The following AP4S1 variants were observed in gnomAD, a reference collection of about 807,000 sequenced individuals.
The protein encoded by AP4S1 is adaptor related protein complex 4 subunit sigma 1, also known as AP-4 complex subunit sigma-1.
In AP4S1, 23 loss-of-function variants were observed where a neutral mutation model predicts 19.8. The ratio of observed to expected loss-of-function variants is 1.16; its 90% confidence interval spans 0.84 to 1.65. The LOEUF (loss-of-function observed/expected upper bound fraction) is 1.65. Among genes scored for constraint, AP4S1 ranks in the 40% most tolerant of loss-of-function variants. The probability of loss-of-function intolerance (pLI) is 0.00; values close to 1 mark genes in which losing one functional copy is unlikely to be tolerated. For missense variants in AP4S1, 166 were observed against 172.8 expected, an observed-to-expected ratio of 0.96 and a Z score of 0.22; for synonymous variants, 46 against 54.1, an observed-to-expected ratio of 0.85 and a Z score of 0.66.
At chr14:31,074,801 A>G (rs1235974728) in intron 4 of AP4S1, among the ~76,000 whole-genome samples, 3 of 147,462 alleles carry the variant, frequency 2.0e-5, no homozygotes, top group Admixed American at 7.1e-5. Context: ...AAAGAAACGT[A>G]CCCATTAGCA....
At chr14:31,035,034 T>C (rs909884595) in intron 1 of AP4S1, among the ~76,000 whole-genome samples, 7 of 152,120 alleles carry the variant, frequency 4.6e-5, no homozygotes, top group African/African-American at 1.4e-4. Flanking sequence ...CTACTCTACT[T>C]TTTTTCTGTG....
rs756761380 is a variant in AP4S1 at position 31,083,526 on chromosome 14, A to G, written c.306+2942A>G. On this transcript the variant is annotated intron_variant, in intron 5 of 5. Transcript: ENST00000542754. ...TTTTTTTTTTTTTTTTTTTTTTGAGACAAGGTCTTGCTCTGTCACCCAGGC... is the reference window on the plus strand; with the variant it reads ...TTTTTTTTTTTTTTTTTTTTTTGAGGCAAGGTCTTGCTCTGTCACCCAGGC... 21 of 172,640 alleles carry G rather than the reference A, an allele frequency of 1.2e-4. No individual in the cohort carries two copies. In the African/African-American group the frequency reaches 3.9e-3, roughly 32 times the overall value. The allele number at this position is 172,640 out of a possible 1,614,324, so 10.7% of individuals were successfully genotyped here. A position where few individuals can be genotyped will look rare whatever the true frequency, so the allele number is the denominator to read the frequency against.
At chr14:31,064,850 G>A (rs1186304037) in intron 1 of AP4S1, among the ~76,000 whole-genome samples, 1 of 152,248 alleles carries the variant, frequency 6.6e-6, no homozygotes, top group Non-Finnish European at 1.5e-5. Context: ...AGCTATTCAG[G>A]AGGCTGAGGT....
intron 1 of AP4S1, among the ~76,000 whole-genome samples, chr14:31,032,487 T>C (rs1436444066): frequency 6.6e-6 from 1 of 152,038 alleles, no homozygotes; most frequent in East Asian, 1.9e-4. Context: ...CTCTGAGGAC[T>C]GTATAGCTCC....
At chr14:31,072,229 T>C (rs1196327831) in intron 3 of AP4S1, among the ~76,000 whole-genome samples, 1 of 151,952 alleles carries the variant, frequency 6.6e-6, no homozygotes, top group Non-Finnish European at 1.5e-5. Context: ...ACATGAGCCA[T>C]TACGCCAAGC....
intron 1 of AP4S1, among the ~76,000 whole-genome samples, chr14:31,062,973 A>T (rs1350646189): frequency 2.6e-5 from 4 of 151,766 alleles, no homozygotes; most frequent in Admixed American, 6.6e-5. Context: ...CGTTTCCAAA[A>T]AAAAAAAAAA....
chr14:31,087,111 A>G (rs1317513004), intron 5 of AP4S1, among the ~76,000 whole-genome samples: 2 of 152,188 alleles, frequency 1.3e-5, no homozygotes, highest in Non-Finnish European at 2.9e-5. Context: ...TATGTTGCCT[A>G]GGCTGGTCTT....
intron 4 of AP4S1, among the ~76,000 whole-genome samples, chr14:31,073,422 G>A (rs1176614048): frequency 3.0e-4 from 41 of 137,610 alleles, no homozygotes; most frequent in African/African-American, 3.6e-4. Flanking sequence ...CCCGGGAGGC[G>A]GAGCTTGCAG....
intron 5 of AP4S1, chr14:31,085,318 A>G: frequency 1.0e-6 from 1 of 996,048 alleles, no homozygotes; most frequent in Non-Finnish European, 1.2e-6. Context: ...GGCAGGAATG[A>G]TAAGAAGGCT....
chr14:31,032,427 C>T (rs1327994792), intron 1 of AP4S1, among the ~76,000 whole-genome samples: 1 of 152,000 alleles, frequency 6.6e-6, no homozygotes, highest in Non-Finnish European at 1.5e-5. Flanking sequence ...ACTCAAATGT[C>T]TTCTTATCAG....
At position 31,095,150 on chromosome 14, in the gene AP4S1, C is replaced by G. The variant is rs1394468768; in HGVS notation, c.*2115C>G. On this transcript the variant is annotated 3_prime_UTR_variant, in exon 6 of 6. Transcript: ENST00000542754. Reference sequence around the variant, plus strand: ...TTGAGGCTGCAGTGAACTATGATCACAACACTGTACTCCAACCTGGGTAAT... The same window carrying G: ...TTGAGGCTGCAGTGAACTATGATCAGAACACTGTACTCCAACCTGGGTAAT... 7 of 152,234 alleles carry G rather than the reference C, an allele frequency of 4.6e-5. No homozygotes were observed. Among genetic ancestry groups the G allele is most frequent in the Non-Finnish European group, 7.3e-5 (5 of 68,062 alleles). 9.4% of individuals were successfully genotyped at this position (152,234 alleles called of 1,614,324 possible).
chr14:31,093,086 G>A lies in AP4S1; in HGVS notation c.*51G>A. 6.6e-7 allele frequency: 1 copy of A among 1,522,592 alleles called. No homozygotes were observed. The highest frequency in any genetic ancestry group is 8.8e-7 in the Non-Finnish European group (1 of 1,134,486). 94.3% of individuals were successfully genotyped at this position (1,522,592 alleles called of 1,614,324 possible). On this transcript the variant is annotated 3_prime_UTR_variant, in exon 6 of 6. Coordinates refer to ENST00000542754, the MANE Select transcript of AP4S1 (RefSeq NM_001128126.3). The stretch of plus-strand genomic sequence containing the variant: ...GATTTATCAGAAATGCGAGTACCGT[G>A]GAATACATCTCAACATGTTAACCCA...
rs114665580 is a variant in AP4S1, at chr14:31,029,675, A to G, written c.-72+3888A>G. 9.5e-3 allele frequency among the ~76,000 whole-genome samples: 1,438 copies of G among 152,154 alleles called. 28 individuals carry two copies. The highest frequency in any genetic ancestry group is 0.031 in the African/African-American group (1,300 of 41,530). On this transcript the variant is annotated intron_variant, in intron 1 of 5. Transcript: ENST00000542754. ...CCTACCAAAAATACAAAAATTAGCC[A>G]GAGTGGCCACGTGAGTCTGTAGTCC...
intron 1 of AP4S1, among the ~76,000 whole-genome samples, chr14:31,045,997 A>G (rs1289362992): frequency 2.9e-5 from 4 of 139,418 alleles, no homozygotes; most frequent in African/African-American, 1.1e-4. Flanking sequence ...ACGGAGTTTC[A>G]CTCTTGTTGC....
At chr14:31,070,098 G>A (rs934999324) in intron 3 of AP4S1, among the ~76,000 whole-genome samples, 169 bp downstream of exon 3, 15 of 151,956 alleles carry the variant, frequency 9.9e-5, no homozygotes, top group Admixed American at 9.9e-4. Flanking sequence ...AGGTTGAAGC[G>A]ATTCCCCTGC....
At chr14:31,054,888 A>C (rs1886017572) in intron 1 of AP4S1, among the ~76,000 whole-genome samples, 1 of 147,954 alleles carries the variant, frequency 6.8e-6, no homozygotes, top group Non-Finnish European at 1.5e-5. Flanking sequence ...AAAAAAAAAA[A>C]AAAAAAAACA....
intron 5 of AP4S1, among the ~76,000 whole-genome samples, chr14:31,082,783 C>A (rs891495001): frequency 2.0e-5 from 3 of 152,006 alleles, no homozygotes; most frequent in Non-Finnish European, 4.4e-5. Flanking sequence ...GTAGTCCCAG[C>A]TACTTGGGAG....
chr14:31,025,716 CT>C lies in AP4S1; in HGVS notation c.-141del, dbSNP rs1331174106. 10 of 839,618 alleles carry C rather than the reference CT, an allele frequency of 1.2e-5. No individual in the cohort carries two copies. Among genetic ancestry groups the C allele is most frequent in the Non-Finnish European group, 1.6e-5 (9 of 561,314 alleles). The allele number at this position is 839,618 out of a possible 1,614,324, so 52.0% of individuals were successfully genotyped here. Reference sequence around the variant, plus strand: ...TAGCCAGTGAAGGTTGGGGAGCAAGCTTATGCGGGAAAGAGGGAGGGGGACT... The same window carrying C: ...TAGCCAGTGAAGGTTGGGGAGCAAGCTATGCGGGAAAGAGGGAGGGGGACT... On this transcript the variant is annotated 5_prime_UTR_variant, in exon 1 of 6. Transcript: ENST00000542754.
At chr14:31,035,752 CAG>C (rs1241235553) in intron 1 of AP4S1, among the ~76,000 whole-genome samples, 1 of 148,016 alleles carries the variant, frequency 6.8e-6, no homozygotes. Context: ...TTTTTTGAGA[CAG>C]AGTCTCGATC....
Sources: gnomAD v4.1 joint callset for allele counts (sites outside exome capture counted in the v4.1 genomes callset) on GRCh38, gnomAD v4.1.1 for gene constraint, MANE v1.5 for transcripts, NCBI Gene and HGNC (gene_info 2026-07-23, HGNC 2026-07-21) for gene names.